HCN4: variants seen among roughly 807,000 people sequenced by gnomAD.
HCN4 encodes hyperpolarization activated cyclic nucleotide gated potassium channel 4, also known as potassium/sodium hyperpolarization-activated cyclic nucleotide-gated channel 4.
In HCN4, 29 loss-of-function variants were observed where a neutral mutation model predicts 76.9. The ratio of observed to expected loss-of-function variants is 0.38; its 90% CI spans 0.28 to 0.51. The LOEUF (loss-of-function observed/expected upper bound fraction) is 0.51, where lower values mean the gene tolerates loss of function less well. Ranked by LOEUF, HCN4 falls within the 20% of genes least tolerant of loss-of-function variation. HCN4 has a pLI of 0.90. For missense variants in HCN4, 1,416 were observed against 1,715.2 expected, an observed-to-expected ratio of 0.83 and a Z score of 3.08; for synonymous variants, 772 against 762.5, an observed-to-expected ratio of 1.01 and a Z score of -0.21.
In HCN4 at chr15:73,323,011, G is replaced by C. The variant is rs1375231724; in HGVS notation, c.3082C>G (p.Pro1028Ala). 6.1e-6 allele frequency: 9 copies of C among 1,470,924 alleles called. No individual in the cohort carries two copies. The highest frequency in any genetic ancestry group is 5.2e-5 in the Admixed American group (2 of 38,664). The allele number at this position is 1,470,924 out of a possible 1,614,324, so 91.1% of individuals were successfully genotyped here. A position where few individuals can be genotyped will look rare whatever the true frequency, so the allele number is the denominator to read the frequency against. ...CTTGGGGGGCCTGGGCTGTGGCCAG[G>C]GGGGCTGAGACCTCCTCGGGGAGTA... ...GFTPRGGLSP[P>A]GHSPGPPRTF... is the part of the protein sequence containing the mutation. Residue 1028 changes from proline (P) to alanine (A), a missense_variant, in exon 8 of 8, where the codon CCT becomes GCT. By Grantham distance (27) the Pro-to-Ala change is conservative (BLOSUM62 -1). Coordinates refer to ENST00000261917, the MANE Select transcript of HCN4 (RefSeq NM_005477.3).
intron 2 of HCN4, among the ~76,000 whole-genome samples, chr15:73,334,131 G>A (rs970730945): frequency 2.6e-5 from 4 of 152,180 alleles, no homozygotes; most frequent in South Asian, 4.1e-4. Context: ...GTGTGATGGT[G>A]TAGACGGTGC....
intron 1 of HCN4, among the ~76,000 whole-genome samples, chr15:73,352,497 G>A (rs2043059216): frequency 6.6e-6 from 1 of 152,194 alleles, no homozygotes; most frequent in African/African-American, 2.4e-5. Context: ...TGGGGGAGAA[G>A]GCAGGTGAAC....
At chr15:73,326,154 T>C (rs1290155025) in intron 4 of HCN4, among the ~76,000 whole-genome samples, 2 of 151,846 alleles carry the variant, frequency 1.3e-5, no homozygotes, top group East Asian at 1.9e-4. Context: ...CCATCCTAGA[T>C]TGTGGGTGGA....
At position 73,323,209 on chromosome 15, in the gene HCN4, G is replaced by A. The variant is rs1454168379; in HGVS notation, c.2884C>T (p.Pro962Ser). The change falls in exon 8 of 8, where the codon CCA becomes TCA. Residue 962 changes from proline to serine, a missense_variant. By Grantham distance (74) the Pro-to-Ser change is moderately conservative. Around this residue, in one of 6 missense-constraint regions of HCN4, gnomAD observed 633 missense variants for 579.8 expected, o/e 1.09. Coordinates refer to ENST00000261917, the MANE Select transcript of HCN4 (RefSeq NM_005477.3). ...GATGACGGGGATCTGGATGAGGGTG[G>A]GGGTGGCAGGAAGTGCTCCGGGAGT... ...LGLPEHFLPP[P>S]PSSRSPSSSP... The A allele has an allele frequency of 6.5e-7, 1 of 1,535,676 alleles. No homozygotes were observed. Among genetic ancestry groups the A allele is most frequent in the South Asian group, 1.3e-5 (1 of 78,808 alleles).
intron 1 of HCN4, among the ~76,000 whole-genome samples, chr15:73,366,039 G>A (rs533260298): frequency 2.0e-5 from 3 of 152,290 alleles, no homozygotes; most frequent in East Asian, 1.9e-4. Context: ...CCCAGACACC[G>A]TTCCTGATGG....
chr15:73,326,831 G>T (rs1344479999), intron 4 of HCN4, among the ~76,000 whole-genome samples: 16 of 148,226 alleles, frequency 1.1e-4, no homozygotes, highest in African/African-American at 4.0e-4. Context: ...GTGTTGCCTA[G>T]ACTGGAGTGC....
At chr15:73,359,146 CA>C (rs375724837) in intron 1 of HCN4, among the ~76,000 whole-genome samples, 17 of 152,362 alleles carry the variant, frequency 1.1e-4, no homozygotes, top group African/African-American at 2.9e-4. Flanking sequence ...CAGGCCCCCG[CA>C]GCTGCCGTGA....
intron 2 of HCN4, among the ~76,000 whole-genome samples, chr15:73,334,091 A>G (rs1421169666): frequency 6.6e-6 from 1 of 152,196 alleles, no homozygotes; most frequent in Non-Finnish European, 1.5e-5. Context: ...GGGAATTGCC[A>G]GCTTCTCGCC....
intron 1 of HCN4, among the ~76,000 whole-genome samples, chr15:73,362,203 C>T (rs1208225299): frequency 6.6e-6 from 1 of 152,232 alleles, no homozygotes; most frequent in Non-Finnish European, 1.5e-5. Flanking sequence ...GCAGGCAGAC[C>T]TCTGTGACTT....
At chr15:73,359,674 A>C (rs141272152) in intron 1 of HCN4, among the ~76,000 whole-genome samples, 3 of 152,210 alleles carry the variant, frequency 2.0e-5, no homozygotes, top group South Asian at 2.1e-4. Context: ...ACTGAACCCC[A>C]ATCCTGGTTA....
At chr15:73,358,224 G>C (rs1047240090) in intron 1 of HCN4, among the ~76,000 whole-genome samples, 2 of 152,158 alleles carry the variant, frequency 1.3e-5, no homozygotes, top group Admixed American at 1.3e-4. Flanking sequence ...CCAGGCCCCA[G>C]GGGCAGTCTC....
Position 73,323,516 on chromosome 15 carries a change from G to C in HCN4, c.2577C>G (p.Ile859Met). 1 of 1,601,800 alleles carries C rather than the reference G, an allele frequency of 6.2e-7. No homozygotes were observed. Among genetic ancestry groups the C allele is most frequent in the Non-Finnish European group, 8.5e-7 (1 of 1,179,860 alleles). ...GGGCAGAGAATCCAGCCAGCTGTTG[G>C]ATGTGGAAGGAGGATGAAGACGGTG... is the stretch of plus-strand genomic sequence containing the variant. Reference protein sequence around the residue: ...VDTPSSSSFHIQQLAGFSAPA... With the variant: ...VDTPSSSSFHMQQLAGFSAPA... The change falls in exon 8 of 8, where the codon ATC becomes ATG. Residue 859 changes from isoleucine to methionine, a missense_variant. Transcript: ENST00000261917.
chr15:73,365,679 C>T (rs140128191), intron 1 of HCN4, among the ~76,000 whole-genome samples: 39 of 152,280 alleles, frequency 2.6e-4, no homozygotes, highest in African/African-American at 8.7e-4. Flanking sequence ...AGAAGGTCCC[C>T]GGCCAATGCT....
At chr15:73,337,809 C>CCTA (rs916096692) in intron 2 of HCN4, among the ~76,000 whole-genome samples, 6 of 152,094 alleles carry the variant, frequency 3.9e-5, no homozygotes, top group African/African-American at 1.4e-4. Flanking sequence ...CCACAGGGAA[C>CCTA]CTACCCTTGT....
At chr15:73,330,486 A>G (rs2042926358) in intron 3 of HCN4, among the ~76,000 whole-genome samples, 1 of 152,182 alleles carries the variant, frequency 6.6e-6, no homozygotes, top group South Asian at 2.1e-4. Context: ...GCGTGGGAAC[A>G]CTGGGATCGG....
intron 1 of HCN4, among the ~76,000 whole-genome samples, chr15:73,358,718 C>T (rs2043092197): frequency 6.6e-6 from 1 of 152,178 alleles, no homozygotes; most frequent in Admixed American, 6.5e-5. Flanking sequence ...GCCCCCAGCA[C>T]CTGCCAACAC....
At chr15:73,364,434 C>T (rs888112445) in intron 1 of HCN4, among the ~76,000 whole-genome samples, 1 of 152,190 alleles carries the variant, frequency 6.6e-6, no homozygotes, top group African/African-American at 2.4e-5. Context: ...TTAGCCAGTA[C>T]CTATGTTTTT....
chr15:73,334,088 G>A (rs1192550039), intron 2 of HCN4, among the ~76,000 whole-genome samples: 1 of 152,208 alleles, frequency 6.6e-6, no homozygotes, highest in African/African-American at 2.4e-5. Context: ...GGTGGGAATT[G>A]CCAGCTTCTC....
intron 2 of HCN4, among the ~76,000 whole-genome samples, chr15:73,334,842 A>G (rs2151218573): frequency 6.6e-6 from 1 of 152,264 alleles, no homozygotes; most frequent in Non-Finnish European, 1.5e-5. Flanking sequence ...GCTGCTAGGG[A>G]CTGCACCTTT....
Sources: allele counts gnomAD v4.1 joint callset (sites outside exome capture counted in the v4.1 genomes callset), GRCh38; gene constraint gnomAD v4.1.1; regional missense constraint gnomAD v4.1.1; transcripts MANE v1.5; gene names NCBI Gene and HGNC (gene_info 2026-07-23, HGNC 2026-07-21).